The following DGKG variants were observed in gnomAD, a reference collection of about 807,000 sequenced individuals.
DGKG encodes diacylglycerol kinase gamma, also known as DAG kinase gamma.
In DGKG, 78 loss-of-function variants were observed where a neutral mutation model predicts 105.3. The observed-to-expected ratio is 0.74, with a 90% CI of 0.62 to 0.89. The LOEUF (loss-of-function observed/expected upper bound fraction) is 0.89, where lower values mean the gene tolerates loss of function less well. Ranked by LOEUF, DGKG falls within the 40% of genes least tolerant of loss-of-function variation. The pLI is 0.00. For synonymous variants in DGKG, 346 were observed against 367.1 expected (o/e 0.94, Z 0.66); for missense variants, 958 against 1,020.1 (o/e 0.94, Z 0.83).
At chr3:186,262,635 G>C (rs1247406730) in intron 14 of DGKG, among the ~76,000 whole-genome samples, 1 of 152,194 alleles carries the variant, frequency 6.6e-6, no homozygotes, top group Non-Finnish European at 1.5e-5. Flanking sequence ...TGGCATCAAA[G>C]GCCTTTTCAG....
chr3:186,300,674 C>T (rs530941909), intron 3 of DGKG, among the ~76,000 whole-genome samples: 1 of 152,286 alleles, frequency 6.6e-6, no homozygotes, highest in South Asian at 2.1e-4. Flanking sequence ...TACTATTAAT[C>T]TCTTTCAGCT....
At chr3:186,167,818 A>C (rs1278361340) in intron 22 of DGKG, among the ~76,000 whole-genome samples, 1 of 152,312 alleles carries the variant, frequency 6.6e-6, no homozygotes, top group East Asian at 1.9e-4. Flanking sequence ...ACAGTTACTG[A>C]GTAACAACTC....
chr3:186,253,418 C>T (rs1450230776), intron 17 of DGKG, among the ~76,000 whole-genome samples: 1 of 152,164 alleles, frequency 6.6e-6, no homozygotes, highest in Non-Finnish European at 1.5e-5. Flanking sequence ...AAATCTGTAT[C>T]CCTGCAACTT....
At chr3:186,206,285 G>A (rs1718730343) in intron 21 of DGKG, among the ~76,000 whole-genome samples, 2 of 152,204 alleles carry the variant, frequency 1.3e-5, no homozygotes, top group Non-Finnish European at 2.9e-5. Context: ...TTGGGAGGCT[G>A]AGGGAGGAGA....
intron 1 of DGKG, among the ~76,000 whole-genome samples, chr3:186,349,529 T>C (rs1298332468): frequency 6.6e-6 from 1 of 152,208 alleles, no homozygotes; most frequent in African/African-American, 2.4e-5. Flanking sequence ...GATTTTTAAG[T>C]TTATGTTCTC....
intron 2 of DGKG, among the ~76,000 whole-genome samples, chr3:186,310,515 G>A (rs1724490388): frequency 6.6e-6 from 1 of 152,098 alleles, no homozygotes; most frequent in African/African-American, 2.4e-5. Flanking sequence ...AGATGTCTGG[G>A]TTGGGTTTCT....
chr3:186,312,892 A>G (rs568087637), intron 2 of DGKG, among the ~76,000 whole-genome samples: 10 of 152,352 alleles, frequency 6.6e-5, no homozygotes, highest in African/African-American at 2.2e-4. Context: ...CTTCATAAGC[A>G]CGGATGTACT....
At chr3:186,274,492 C>T (rs1489117461) in intron 10 of DGKG, among the ~76,000 whole-genome samples, 1 of 150,982 alleles carries the variant, frequency 6.6e-6, no homozygotes, top group Non-Finnish European at 1.5e-5. Flanking sequence ...CACCCATTAA[C>T]TCATCATTTA....
intron 1 of DGKG, among the ~76,000 whole-genome samples, chr3:186,358,350 G>A (rs1269317881): frequency 6.6e-6 from 1 of 152,244 alleles, no homozygotes; most frequent in Non-Finnish European, 1.5e-5. Flanking sequence ...TTCCGGACCT[G>A]AGCTGAATCT....
At chr3:186,301,421 A>G (rs529220288) in intron 3 of DGKG, among the ~76,000 whole-genome samples, 2 of 152,284 alleles carry the variant, frequency 1.3e-5, no homozygotes, top group South Asian at 4.1e-4. Flanking sequence ...AGGTCAGGAG[A>G]TCGAGACCAT....
intron 20 of DGKG, among the ~76,000 whole-genome samples, chr3:186,220,618 C>G (rs182290999): frequency 6.6e-6 from 1 of 152,112 alleles, no homozygotes; most frequent in African/African-American, 2.4e-5. Context: ...CTACCACATG[C>G]GCCACCGGTA....
At chr3:186,196,774 G>T (rs1357094955) in intron 21 of DGKG, among the ~76,000 whole-genome samples, 1 of 152,122 alleles carries the variant, frequency 6.6e-6, no homozygotes, top group Non-Finnish European at 1.5e-5. Flanking sequence ...GTCTAAAGTT[G>T]GTAAGTTGAC....
intron 2 of DGKG, among the ~76,000 whole-genome samples, chr3:186,318,620 G>C (rs1724928605): frequency 6.6e-6 from 1 of 152,170 alleles, no homozygotes; most frequent in Non-Finnish European, 1.5e-5. Flanking sequence ...GCCTAGGAAA[G>C]GGGGAACTTT....
At chr3:186,319,726 G>A (rs1175217048) in intron 2 of DGKG, among the ~76,000 whole-genome samples, 1 of 149,222 alleles carries the variant, frequency 6.7e-6, no homozygotes, top group East Asian at 1.9e-4. Flanking sequence ...GGAGTAACCT[G>A]AGGGGACAAG....
intron 24 of DGKG, chr3:186,158,099 C>T: frequency 1.8e-6 from 1 of 543,952 alleles, no homozygotes; most frequent in Non-Finnish European, 2.3e-6. Context: ...ATTCCTTTCT[C>T]TTTTAAAAAT....
At position 186,279,937 on chromosome 3, in the gene DGKG, G is replaced by C; in HGVS notation, c.706C>G (p.Arg236Gly). The C allele has an allele frequency of 6.2e-7, 1 of 1,614,046 alleles. No homozygotes were observed. Among genetic ancestry groups the C allele is most frequent in the Non-Finnish European group, 8.5e-7 (1 of 1,179,946 alleles). Reference sequence around the variant, plus strand: ...TCCTGTAGAGACACAAAGCCGTCCCGGTCGTAGTCCATCCCTTGCAGCATC... The same window carrying C: ...TCCTGTAGAGACACAAAGCCGTCCCCGTCGTAGTCCATCCCTTGCAGCATC... ...KEMLQGMDYD[R>G]DGFVSLQEWV... Residue 236 changes from arginine to glycine, a missense_variant, in exon 9 of 25, where the codon CGG becomes GGG. Coordinates refer to ENST00000265022, the MANE Select transcript of DGKG (RefSeq NM_001346.3).
At chr3:186,336,813 C>T (rs1725851881) in intron 1 of DGKG, among the ~76,000 whole-genome samples, 1 of 152,068 alleles carries the variant, frequency 6.6e-6, no homozygotes, top group African/African-American at 2.4e-5. Flanking sequence ...AAAAAGAAGA[C>T]ATAACTATAA....
At chr3:186,228,972 C>T (rs760883604) in intron 20 of DGKG, among the ~76,000 whole-genome samples, 4 of 152,102 alleles carry the variant, frequency 2.6e-5, no homozygotes, top group Non-Finnish European at 4.4e-5. Context: ...TCGCAGATGT[C>T]ATCAAGTTAA....
At chr3:186,254,812 T>C (rs959024373) in intron 17 of DGKG, among the ~76,000 whole-genome samples, 1 of 152,082 alleles carries the variant, frequency 6.6e-6, no homozygotes, top group Non-Finnish European at 1.5e-5. Context: ...TGAACCACAG[T>C]CCCTCGCACT....
Sources: allele counts gnomAD v4.1 joint callset (sites outside exome capture counted in the v4.1 genomes callset), GRCh38; gene constraint gnomAD v4.1.1; transcripts MANE v1.5; gene names NCBI Gene and HGNC (gene_info 2026-07-23, HGNC 2026-07-21).